KANK3: variants seen among roughly 807,000 people sequenced by gnomAD.
KANK3 encodes KN motif and ankyrin repeat domain-containing protein 3.
KANK3 carries 61 observed loss-of-function variants against 65.4 expected under a neutral mutation model. The ratio of observed to expected loss-of-function variants is 0.93; its 90% CI spans 0.76 to 1.15. The LOEUF (loss-of-function observed/expected upper bound fraction) is 1.15. KANK3 is among the 50% of genes most tolerant of loss of function. KANK3 has a pLI of 0.00. For synonymous variants in KANK3, 586 were observed against 543.3 expected, an observed-to-expected ratio of 1.08 and a Z score of -1.09; for missense variants, 1,187 against 1,178.8, an observed-to-expected ratio of 1.01 and a Z score of -0.10.
In KANK3 at chr19:8,333,844, G is replaced by A. The variant is rs1035845011; in HGVS notation, c.1635-36C>T. 6.5e-7 allele frequency: 1 copy of A among 1,547,316 alleles called. No homozygotes were observed. Among genetic ancestry groups the A allele is most frequent in the Non-Finnish European group, 8.7e-7 (1 of 1,146,152 alleles). On this transcript the variant is annotated intron_variant, in intron 5 of 10. Coordinates refer to ENST00000330915, the MANE Select transcript of KANK3 (RefSeq NM_198471.3). This position sits in a 1 kb window ranked among gnomAD's most constrained non-coding sequence, Gnocchi z 5.0. ...GGCCAGGAGAGACTCAGGATGGATC[G>A]GGGACAGCGCCGACCAGGAGGAGGG...
chr19:8,341,647 G>A (rs1222596397), intron 1 of KANK3, among the ~76,000 whole-genome samples: 5 of 152,132 alleles, frequency 3.3e-5, no homozygotes, highest in Admixed American at 6.6e-5. Flanking sequence ...GGCGTGAGCC[G>A]TGCCCGGCCT....
At chr19:8,328,997 A>G (rs868405533) in intron 7 of KANK3, among the ~76,000 whole-genome samples, 3 of 147,412 alleles carry the variant, frequency 2.0e-5, no homozygotes, top group Middle Eastern at 3.6e-3. Flanking sequence ...GTGAAACCCC[A>G]TCTCTACTAA....
intron 2 of KANK3, among the ~76,000 whole-genome samples, chr19:8,336,585 TACAC>T (rs202169972): frequency 0.45 from 67,744 of 150,806 alleles, 15,715 homozygotes; most frequent in African/African-American, 0.55. Context: ...AATATATATA[TACAC>T]ATATACATAT....
chr19:8,328,387 CCACACACACACACACA>C (rs55963090), intron 7 of KANK3, among the ~76,000 whole-genome samples: 3,321 of 145,136 alleles, frequency 0.023, 101 homozygotes, highest in South Asian at 0.06. Flanking sequence ...ACCACCCCCA[CCACACACACACACACA>C]CACACACACA....
At position 8,322,906 on chromosome 19, in the gene KANK3, C is replaced by T. The variant is rs1413875429; in HGVS notation, c.2399G>A (p.Gly800Asp). ...QPDTQSESPP[G>D]SQTATPGEGE... ...TTCACCAGGTGTGGCTGTCTGGGAG[C>T]CAGGGGGTGACTCGCTCTGGAGAGA... Residue 800 changes from glycine to aspartate, a missense_variant, in exon 11 of 11, where the codon GGC (glycine) becomes GAC (aspartate). Coordinates refer to ENST00000330915, the MANE Select transcript of KANK3 (RefSeq NM_198471.3). 2 of 1,544,142 alleles carry T rather than the reference C, an allele frequency of 1.3e-6. No individual in the cohort carries two copies. The highest frequency in any genetic ancestry group is 8.7e-7 in the Non-Finnish European group (1 of 1,145,148).
In KANK3 at chr19:8,335,421, C is replaced by A; in HGVS notation, c.406G>T (p.Glu136Ter). ...RNPRVEHTLRETSRRLELAQT... is the reference protein window; with the variant it reads ...RNPRVEHTLR ...GCCAGCTCCAGCCGCCGGCTGGTCT[C>A]CCGGAGCGTGTGCTCGACGCGCGGG... The change falls in exon 3 of 11, where the codon GAG becomes TAG. Residue 136 changes from glutamate to a stop codon, truncating the protein, a stop_gained. Transcript: ENST00000330915. LOFTEE classifies it high-confidence loss of function. 1 of 1,211,406 alleles carries A rather than the reference C, an allele frequency of 8.3e-7. No homozygotes were observed. The highest frequency in any genetic ancestry group is 1.0e-6 in the Non-Finnish European group (1 of 974,568). 75.0% of individuals were successfully genotyped at this position (1,211,406 alleles called of 1,614,324 possible). A position where few individuals can be genotyped will look rare whatever the true frequency, so the allele number is the denominator to read the frequency against.
chr19:8,330,776 C>T (rs537968674), intron 7 of KANK3, among the ~76,000 whole-genome samples: 17 of 150,528 alleles, frequency 1.1e-4, no homozygotes, highest in East Asian at 3.9e-4. Context: ...GTGGTACACG[C>T]GCCTGTAATC....
At chr19:8,340,813 C>T (rs1390269965) in intron 1 of KANK3, among the ~76,000 whole-genome samples, 1 of 152,206 alleles carries the variant, frequency 6.6e-6, no homozygotes, top group Non-Finnish European at 1.5e-5. Context: ...GCAGCTGTTT[C>T]CCGTCCCTTC....
At position 8,325,296 on chromosome 19, in the gene KANK3, CTTTTTTT is replaced by C. The variant is rs573315741; in HGVS notation, c.1937-207_1937-201del. Reference sequence around the variant, plus strand: ...TCAGTGAAGGACCTTCCTGTTTCATCTTTTTTTTTTTTTTTTTTTTTTTTTTGAGACA... The same window carrying C: ...TCAGTGAAGGACCTTCCTGTTTCATCTTTTTTTTTTTTTTTTTTTGAGACA... On this transcript the variant is annotated intron_variant, in intron 7 of 10. Coordinates refer to ENST00000330915, the MANE Select transcript of KANK3 (RefSeq NM_198471.3). 8.1e-4 allele frequency among the ~76,000 whole-genome samples: 64 copies of C among 78,642 alleles called. 2 individuals carry two copies. In the Middle Eastern group the frequency reaches 0.027, roughly 33 times the overall value. The allele number at this position is 78,642 out of a possible 152,430, so 51.6% of individuals were successfully genotyped here. A position where few individuals can be genotyped will look rare whatever the true frequency, so the allele number is the denominator to read the frequency against.
Position 8,322,674 on chromosome 19 carries a change from G to C in KANK3, c.*165C>G. The C allele has an allele frequency of 1.6e-6, 1 of 612,176 alleles. No individual in the cohort carries two copies. The allele number at this position is 612,176 out of a possible 1,614,324, so 37.9% of individuals were successfully genotyped here. ...TCCCCACCTCACCTTGGTGGGGCCA[G>C]AGTGAGCCCCTTCCTGCCACAGTCA... is the stretch of plus-strand genomic sequence containing the variant. On this transcript the variant is annotated 3_prime_UTR_variant, in exon 11 of 11. Coordinates refer to ENST00000330915, the MANE Select transcript of KANK3 (RefSeq NM_198471.3).
chr19:8,331,379 C>T (rs1970522419), intron 7 of KANK3, among the ~76,000 whole-genome samples: 1 of 107,180 alleles, frequency 9.3e-6, no homozygotes, highest in African/African-American at 3.1e-5. Context: ...CTGTCTCCTA[C>T]AATGCCCCAG....
chr19:8,338,748 G>A (rs1017519784), intron 1 of KANK3, among the ~76,000 whole-genome samples: 29 of 151,716 alleles, frequency 1.9e-4, no homozygotes, highest in Non-Finnish European at 3.2e-4. Flanking sequence ...GGTGGCAGGC[G>A]CCTGTAGTCC....
chr19:8,331,338 A>C (rs922502009), intron 7 of KANK3, among the ~76,000 whole-genome samples: 3 of 152,132 alleles, frequency 2.0e-5, no homozygotes, highest in African/African-American at 7.2e-5. Context: ...TGAGATGCCC[A>C]AAAAATTCAC....
chr19:8,341,346 T>G (rs550226119), intron 1 of KANK3, among the ~76,000 whole-genome samples: 1 of 150,770 alleles, frequency 6.6e-6, no homozygotes, highest in East Asian at 2.0e-4. Flanking sequence ...CGCCTCAGCC[T>G]CACAAATAGC....
chr19:8,330,643 A>T (rs1421583399), intron 7 of KANK3, among the ~76,000 whole-genome samples: 1 of 151,004 alleles, frequency 6.6e-6, no homozygotes, highest in Non-Finnish European at 1.5e-5. Context: ...CAGGAGAATC[A>T]CTTGAATCTG....
chr19:8,335,355 G>A lies in KANK3; in HGVS notation c.472C>T (p.Pro158Ser), dbSNP rs1013403832. 54 of 1,194,874 alleles carry A rather than the reference G, an allele frequency of 4.5e-5. No homozygotes were observed. In the African/African-American group the frequency reaches 8.4e-4, roughly 19 times the overall value. 74.0% of individuals were successfully genotyped at this position (1,194,874 alleles called of 1,614,324 possible). A position where few individuals can be genotyped will look rare whatever the true frequency, so the allele number is the denominator to read the frequency against. Residue 158 changes from proline to serine, a missense_variant, in exon 3 of 11, where the codon CCG becomes TCG. Coordinates refer to ENST00000330915, the MANE Select transcript of KANK3 (RefSeq NM_198471.3). ...ERAPSPGRGV[P>S]RSPRGSGRSS... ...CGGCCGGACCCGCGTGGGCTGCGCG[G>A]GACCCCGCGGCCGGGGCTGGGCGCG...
intron 7 of KANK3, among the ~76,000 whole-genome samples, chr19:8,326,965 G>A (rs186007370): frequency 9.9e-5 from 15 of 152,278 alleles, no homozygotes; most frequent in Admixed American, 8.5e-4. Context: ...TTTCCTCTGG[G>A]ATCAGTTCTG....
intron 7 of KANK3, 27 bp downstream of exon 7, chr19:8,332,987 T>TGGGGGCCCCCC: frequency 1.0e-5 from 4 of 395,196 alleles, no homozygotes; most frequent in South Asian, 2.5e-5. Flanking sequence ...TTTCCTGGTG[T>TGGGGGCCCCCC]CCCACCCACC....
chr19:8,329,001 C>CTACTAAAAA (rs1278203799), intron 7 of KANK3, among the ~76,000 whole-genome samples: 2 of 144,316 alleles, frequency 1.4e-5, no homozygotes, highest in Non-Finnish European at 3.0e-5. Flanking sequence ...AACCCCATCT[C>CTACTAAAAA]TACTAAAAAT....
Sources: gnomAD v4.1 joint callset for allele counts (sites outside exome capture counted in the v4.1 genomes callset) on GRCh38, gnomAD v4.1.1 for gene constraint, Gnocchi (gnomAD v3.1) non-coding constraint, MANE v1.5 for transcripts, NCBI Gene and HGNC (gene_info 2026-07-23, HGNC 2026-07-21) for gene names.